Variants in LSP1 observed in about 807,000 individuals in gnomAD.
The protein encoded by LSP1 is lymphocyte-specific protein 1.
LSP1 carries 32 observed loss-of-function variants against 49.3 expected under a neutral mutation model. The ratio of observed to expected loss-of-function variants is 0.65; its 90% CI spans 0.49 to 0.87. The LOEUF (loss-of-function observed/expected upper bound fraction) is 0.87, where lower values mean the gene tolerates loss of function less well. LSP1 is among the 40% of genes least tolerant of loss of function. The pLI is 0.00. For missense variants in LSP1, 428 were observed against 442.6 expected (o/e 0.97, Z 0.30); for synonymous variants, 179 against 178.8 (o/e 1.00, Z -0.01).
At chr11:1,860,576 G>A (rs1031842164) in intron 1 of LSP1, among the ~76,000 whole-genome samples, 1 of 152,200 alleles carries the variant, frequency 6.6e-6, no homozygotes. Flanking sequence ...GAATGGATGG[G>A]TGGATAGATA....
At chr11:1,859,623 G>T in intron 1 of LSP1, 1 of 153,942 alleles carries the variant, frequency 6.5e-6, no homozygotes, top group South Asian at 2.0e-4. Flanking sequence ...CTTTCTCTTA[G>T]ACCCAGTCCC....
chr11:1,867,291 A>AGGC (rs1847824641), intron 1 of LSP1, among the ~76,000 whole-genome samples: 2 of 152,020 alleles, frequency 1.3e-5, no homozygotes, highest in African/African-American at 4.8e-5. Context: ...GTGTGCACTA[A>AGGC]TACACACCCC....
chr11:1,871,329 G>GA (rs1390920034), intron 1 of LSP1: 1 of 986,124 alleles, frequency 1.0e-6, no homozygotes, highest in Non-Finnish European at 1.2e-6. Flanking sequence ...GGTCGCCGCA[G>GA]ATGGGGGCAG....
At chr11:1,859,294 G>A (rs1018208851) in intron 1 of LSP1, among the ~76,000 whole-genome samples, 3 of 152,154 alleles carry the variant, frequency 2.0e-5, no homozygotes, top group Admixed American at 6.5e-5. Flanking sequence ...ACCCTTCCCA[G>A]AGTCCCCAGT....
In LSP1 at chr11:1,886,970, T is replaced by C. The variant is rs910525861; in HGVS notation, c.852+104T>C. On this transcript the variant is annotated intron_variant, in intron 8 of 10. Coordinates refer to ENST00000311604, the MANE Select transcript of LSP1 (RefSeq NM_002339.3). ...AAGACAAGCATGGGACTGTCCAGGA[T>C]GAATGTGGGTATACAGAACCCTGAG... 7 of 1,401,120 alleles carry C rather than the reference T, an allele frequency of 5.0e-6. No homozygotes were observed. The African/African-American group carries it at 8.6e-5, about 17-fold the overall frequency. The allele number at this position is 1,401,120 out of a possible 1,614,324, so 86.8% of individuals were successfully genotyped here. A position where few individuals can be genotyped will look rare whatever the true frequency, so the allele number is the denominator to read the frequency against.
At chr11:1,854,568 C>T (rs976601820) in intron 1 of LSP1, among the ~76,000 whole-genome samples, 4 of 152,130 alleles carry the variant, frequency 2.6e-5, no homozygotes, top group Non-Finnish European at 5.9e-5. Flanking sequence ...GGTACAGGTG[C>T]GGGGGGCCAC....
intron 10 of LSP1, chr11:1,888,892 C>T (rs1405421290): frequency 2.3e-6 from 1 of 426,316 alleles, no homozygotes; most frequent in Admixed American, 3.9e-5. Flanking sequence ...GACGCAGACC[C>T]CTTCTCTGTT....
chr11:1,862,846 C>T (rs1402347147), intron 1 of LSP1, among the ~76,000 whole-genome samples: 1 of 152,106 alleles, frequency 6.6e-6, no homozygotes, highest in Non-Finnish European at 1.5e-5. Context: ...ACCTCCCCTC[C>T]CCTGGGTGAG....
At chr11:1,865,691 C>T (rs559371503) in intron 1 of LSP1, among the ~76,000 whole-genome samples, 1 of 151,434 alleles carries the variant, frequency 6.6e-6, no homozygotes, top group African/African-American at 2.4e-5. Context: ...GCTGCACTGT[C>T]ACCTGCTCAC....
rs560297611 is a variant in LSP1 at position 1,889,761 on chromosome 11, C to T, written c.*14-2012C>T. On this transcript the variant is annotated intron_variant, in intron 10 of 10. Transcript: ENST00000311604. ...GCTGTGCGGTGAGGACTCCAGCGAG[C>T]GGCAGGTCGGGGCTATGGGCACCAC... is the stretch of plus-strand genomic sequence containing the variant. 94 of 651,806 alleles carry T rather than the reference C, an allele frequency of 1.4e-4. 2 individuals are homozygous for T. Among genetic ancestry groups the T allele is most frequent in the South Asian group, 1.4e-3 (83 of 57,962 alleles). 40.4% of individuals were successfully genotyped at this position (651,806 alleles called of 1,614,324 possible).
At chr11:1,855,148 G>C (rs946874903) in intron 1 of LSP1, among the ~76,000 whole-genome samples, 16 of 152,300 alleles carry the variant, frequency 1.1e-4, no homozygotes, top group African/African-American at 3.1e-4. Flanking sequence ...AGCCAAGCCT[G>C]ACCTTTCAGA....
intron 1 of LSP1, among the ~76,000 whole-genome samples, chr11:1,879,062 C>T (rs537277614): frequency 4.6e-5 from 7 of 152,088 alleles, no homozygotes; most frequent in Admixed American, 2.6e-4. Context: ...ATGGCTCAAT[C>T]GGCTGGGTGC....
chr11:1,853,206 C>T lies in LSP1; in HGVS notation c.53+9C>T. On this transcript the variant is annotated intron_variant, in intron 1 of 10. Transcript: ENST00000311604. ...CGGGAAGAGTTGCTGGGGTAAGGGT[C>T]TGCGGCGACGCCCGGCGCCCTGTGC... The T allele has an allele frequency of 5.0e-6, 8 of 1,607,898 alleles. No homozygotes were observed. Among genetic ancestry groups the T allele is most frequent in the Non-Finnish European group, 6.8e-6 (8 of 1,178,688 alleles).
chr11:1,863,132 C>G (rs1033275784), intron 1 of LSP1: 1 of 151,936 alleles, frequency 6.6e-6, no homozygotes, highest in Non-Finnish European at 1.5e-5. Flanking sequence ...TGGGGTAGCC[C>G]ACCACCTGAG....
intron 1 of LSP1, among the ~76,000 whole-genome samples, chr11:1,860,922 GA>G (rs1357195010): frequency 6.6e-6 from 1 of 152,130 alleles, no homozygotes; most frequent in Non-Finnish European, 1.5e-5. Context: ...GATGTCAGGA[GA>G]AGTAGACATA....
In LSP1 at chr11:1,855,700, C is replaced by T. The variant is rs546803067; in HGVS notation, c.53+2503C>T. On this transcript the variant is annotated intron_variant, in intron 1 of 10. Coordinates refer to ENST00000311604, the MANE Select transcript of LSP1 (RefSeq NM_002339.3). ...ACTGCGGTTCCTCCACTCGGGGGCA[C>T]TCCTGTCTCGCCCCGCTGTCCAGCA... Among the ~76,000 whole-genome samples, 8 of 152,358 alleles carry T rather than the reference C, an allele frequency of 5.3e-5. No individual in the cohort carries two copies. In the East Asian group the frequency reaches 1.5e-3, roughly 29 times the overall value.
intron 10 of LSP1, chr11:1,889,818 G>T (rs1848914860): frequency 3.1e-6 from 2 of 636,650 alleles, no homozygotes; most frequent in Non-Finnish European, 5.7e-6. Context: ...GGGCACTGAG[G>T]CCTGGAAGCC....
intron 1 of LSP1, among the ~76,000 whole-genome samples, chr11:1,856,803 G>T (rs1281312788): frequency 6.6e-6 from 1 of 152,366 alleles, no homozygotes; most frequent in Non-Finnish European, 1.5e-5. Flanking sequence ...CCAAGGCCAG[G>T]CACCACCTGG....
At position 1,884,076 on chromosome 11, in the gene LSP1, C is replaced by A. The variant is rs1226773885; in HGVS notation, c.591+52C>A. 6.5e-7 allele frequency: 1 copy of A among 1,545,214 alleles called. No homozygotes were observed. Among genetic ancestry groups the A allele is most frequent in the Non-Finnish European group, 8.8e-7 (1 of 1,131,866 alleles). ...CTTCTCCCCTCTCCCGTACTCATAC[C>A]CAAAAGGCCAATCCCACATGCCAGC... On this transcript the variant is annotated intron_variant, in intron 5 of 10. Transcript: ENST00000311604. The surrounding 1 kb of genome is among the most constrained non-coding windows in gnomAD (Gnocchi z 4.1).
Sources: gnomAD v4.1 joint callset for allele counts (sites outside exome capture counted in the v4.1 genomes callset) on GRCh38, gnomAD v4.1.1 for gene constraint, Gnocchi (gnomAD v3.1) non-coding constraint, MANE v1.5 for transcripts, NCBI Gene and HGNC (gene_info 2026-07-23, HGNC 2026-07-21) for gene names.